Variants in PNPT1 observed in about 807,000 individuals in gnomAD.
PNPT1 encodes polyribonucleotide nucleotidyltransferase 1, mitochondrial.
PNPT1 carries 53 observed loss-of-function variants against 119.5 expected under a neutral mutation model. The observed-to-expected ratio is 0.44, with a 90% CI of 0.36 to 0.56. The LOEUF (loss-of-function observed/expected upper bound fraction) is 0.56, where lower values mean the gene tolerates loss of function less well. PNPT1 is among the 20% of genes least tolerant of loss of function. The pLI is 0.00. For missense variants in PNPT1, 948 were observed against 938.5 expected, an observed-to-expected ratio of 1.01 and a Z score of -0.13; for synonymous variants, 357 against 322.1, an observed-to-expected ratio of 1.11 and a Z score of -1.16.
chr2:55,643,255 T>A, intron 24 of PNPT1, 42 bp from the exon 25 acceptor site: 3 of 1,613,718 alleles, frequency 1.9e-6, no homozygotes, highest in Non-Finnish European at 2.5e-6. Flanking sequence ...AAAGAAAACA[T>A]CAACAAAAAG....
At chr2:55,665,204 G>C (rs1429619429) in intron 13 of PNPT1, among the ~76,000 whole-genome samples, 1 of 152,122 alleles carries the variant, frequency 6.6e-6, no homozygotes, top group Non-Finnish European at 1.5e-5. Context: ...GAAAAATAAA[G>C]TATTAGTAAA....
intron 13 of PNPT1, among the ~76,000 whole-genome samples, chr2:55,663,599 C>T (rs1411444480): frequency 6.6e-6 from 1 of 152,114 alleles, no homozygotes; most frequent in East Asian, 1.9e-4. Context: ...AGGTGCAAAT[C>T]TTGAAAGCAC....
chr2:55,639,263 A>G (rs1344931202), intron 26 of PNPT1, among the ~76,000 whole-genome samples: 1 of 152,196 alleles, frequency 6.6e-6, no homozygotes, highest in East Asian at 1.9e-4. Context: ...TTCTTTGTAC[A>G]TTAAAAACTT....
chr2:55,645,018 T>TA, intron 22 of PNPT1: 1 of 279,090 alleles, frequency 3.6e-6, no homozygotes, highest in Non-Finnish European at 6.6e-6. Context: ...CCATGATCAC[T>TA]AAAATTTTTT....
chr2:55,635,236 A>G lies in PNPT1; in HGVS notation c.*1001T>C, dbSNP rs751152553. 2 of 152,220 alleles carry G rather than the reference A, an allele frequency of 1.3e-5. No homozygotes were observed. Among genetic ancestry groups the G allele is most frequent in the Non-Finnish European group, 2.9e-5 (2 of 68,030 alleles). The allele number at this position is 152,220 out of a possible 1,614,324, so 9.4% of individuals were successfully genotyped here. A position where few individuals can be genotyped will look rare whatever the true frequency, so the allele number is the denominator to read the frequency against. ...TATTAACCGAAAGTCATGATCCTTC[A>G]GCTCTTATACTAAGAACTTCCATAC... is the stretch of plus-strand genomic sequence containing the variant. On this transcript the variant is annotated 3_prime_UTR_variant, in exon 28 of 28. Transcript: ENST00000447944.
intron 8 of PNPT1, among the ~76,000 whole-genome samples, chr2:55,674,596 A>AAAAT (rs1339404667): frequency 2.0e-5 from 3 of 152,310 alleles, no homozygotes; most frequent in East Asian, 3.9e-4. Context: ...CCATCTCAAA[A>AAAAT]AAATAAATAA....
intron 27 of PNPT1, among the ~76,000 whole-genome samples, chr2:55,636,945 C>A (rs927576657): frequency 1.3e-5 from 2 of 152,198 alleles, no homozygotes; most frequent in Non-Finnish European, 2.9e-5. Context: ...TCTTAGCACT[C>A]ATCTTCCCCT....
In PNPT1 at chr2:55,680,837, C is replaced by G; in HGVS notation, c.517+18G>C. On this transcript the variant is annotated intron_variant, in intron 6 of 27. Transcript: ENST00000447944. ...AAATTTTTAATCTGATAATTTTAAT[C>G]TCTACTTTTATACTTACCGCCATTA... is the stretch of plus-strand genomic sequence containing the variant. The G allele has an allele frequency of 6.2e-7, 1 of 1,612,630 alleles. No individual in the cohort carries two copies. The highest frequency in any genetic ancestry group is 8.5e-7 in the Non-Finnish European group (1 of 1,179,020).
chr2:55,640,492 C>T (rs1188895918), intron 26 of PNPT1, 135 bp downstream of exon 26: 1 of 774,234 alleles, frequency 1.3e-6, no homozygotes, highest in Non-Finnish European at 2.1e-6. Context: ...TTTTTGCCAG[C>T]AGCATCTCTG....
At chr2:55,671,431 C>A in intron 10 of PNPT1, 55 bp from the exon 11 acceptor site, 1 of 1,084,776 alleles carries the variant, frequency 9.2e-7, no homozygotes, top group Non-Finnish European at 1.3e-6. Flanking sequence ...TTTAATATTT[C>A]TGTTTTCTAA....
chr2:55,687,788 A>C (rs928244855), intron 1 of PNPT1, 83 bp from the exon 2 acceptor site: 4 of 1,115,086 alleles, frequency 3.6e-6, no homozygotes, highest in Middle Eastern at 2.7e-4. Flanking sequence ...AAAAGATTCT[A>C]AGGGAAGATT....
chr2:55,645,050 G>A (rs945091508), intron 22 of PNPT1: 15 of 227,140 alleles, frequency 6.6e-5, no homozygotes, highest in Admixed American at 1.1e-4. Context: ...TTGAGACGGA[G>A]TCTCACTTTG....
chr2:55,647,682 G>A (rs933701075), intron 18 of PNPT1, among the ~76,000 whole-genome samples: 2 of 152,060 alleles, frequency 1.3e-5, no homozygotes, highest in African/African-American at 2.4e-5. Context: ...AACACGCCTA[G>A]CTAATTTGCT....
chr2:55,693,130 G>A (rs1697674112), intron 1 of PNPT1, among the ~76,000 whole-genome samples: 6 of 152,126 alleles, frequency 3.9e-5, no homozygotes, highest in Admixed American at 3.9e-4. Context: ...CACAATGTCT[G>A]TGAACTGGAC....
intron 18 of PNPT1, among the ~76,000 whole-genome samples, chr2:55,650,854 G>A (rs1363098680): frequency 6.6e-6 from 1 of 151,930 alleles, no homozygotes; most frequent in Non-Finnish European, 1.5e-5. Flanking sequence ...TGGGAAGTGA[G>A]GAGCGTCTCT....
intron 1 of PNPT1, among the ~76,000 whole-genome samples, chr2:55,692,447 G>A (rs537689534): frequency 7.9e-5 from 12 of 152,122 alleles, no homozygotes; most frequent in South Asian, 2.1e-4. Flanking sequence ...CAAAGTACAC[G>A]TAAAAAATTT....
At chr2:55,676,962 T>G (rs1055928847) in intron 8 of PNPT1, among the ~76,000 whole-genome samples, 1 of 152,124 alleles carries the variant, frequency 6.6e-6, no homozygotes, top group Non-Finnish European at 1.5e-5. Flanking sequence ...AGAAGTTCCA[T>G]GATGGTGGTA....
chr2:55,662,072 A>G, intron 13 of PNPT1, 46 bp from the exon 14 acceptor site: 3 of 1,438,526 alleles, frequency 2.1e-6, no homozygotes, highest in Non-Finnish European at 2.8e-6. Context: ...ACTAACCACA[A>G]AGATGAAAAC....
chr2:55,654,865 G>C (rs1167808447), intron 18 of PNPT1, 35 bp downstream of exon 18: 1 of 1,589,334 alleles, frequency 6.3e-7, no homozygotes, highest in Non-Finnish European at 8.6e-7. Context: ...ACAGGCATGA[G>C]CAATATCAGC....
Sources: allele counts gnomAD v4.1 joint callset (sites outside exome capture counted in the v4.1 genomes callset), GRCh38; gene constraint gnomAD v4.1.1; transcripts MANE v1.5; gene names NCBI Gene and HGNC (gene_info 2026-07-23, HGNC 2026-07-21).